Variants in REPS2 observed in about 807,000 individuals in gnomAD.
REPS2 encodes ralBP1-associated Eps domain-containing protein 2.
Under a neutral mutation model 53.6 loss-of-function variants are expected in REPS2, and 23 were observed. The observed-to-expected ratio is 0.43, with a 90% confidence interval of 0.31 to 0.61. The LOEUF (loss-of-function observed/expected upper bound fraction) is 0.61, where lower values mean the gene tolerates loss of function less well. Ranked by LOEUF, REPS2 falls within the 20% of genes least tolerant of loss-of-function variation. The pLI, the probability that REPS2 is intolerant of heterozygous loss-of-function variation, is 0.11. For synonymous variants in REPS2, 238 were observed against 218.6 expected, an observed-to-expected ratio of 1.09 and a Z score of -0.78; for missense variants, 446 against 534.9, an observed-to-expected ratio of 0.83 and a Z score of 1.64.
chrX:16,976,012 A>G (rs1347119184), intron 1 of REPS2, among the ~76,000 whole-genome samples: 1 of 111,962 alleles, frequency 8.9e-6, no homozygotes, highest in Non-Finnish European at 1.9e-5. Flanking sequence ...TGCAACCATC[A>G]CTACCATCCA....
intron 12 of REPS2, 29 bp from the exon 13 acceptor site, chrX:17,077,242 G>A (rs1314150821): frequency 3.5e-6 from 4 of 1,143,068 alleles, no homozygotes; most frequent in Non-Finnish European, 4.6e-6. Flanking sequence ...TTGCTATTTC[G>A]CTTCTGACCT....
At position 17,147,690 on chromosome X, in the gene REPS2, T is replaced by A; in HGVS notation, c.*209T>A. On this transcript the variant is annotated 3_prime_UTR_variant, in exon 18 of 18. Transcript: ENST00000357277. Reference sequence around the variant, plus strand: ...CTTCAACTGATTATCACACTTGAAATGCTAATTATCAGTGGAATTTGTCTC... The same window carrying A: ...CTTCAACTGATTATCACACTTGAAAAGCTAATTATCAGTGGAATTTGTCTC... 3.2e-6 allele frequency: 1 copy of A among 316,863 alleles called. No individual in the cohort carries two copies. The allele number at this position is 316,863 out of a possible 1,213,427, so 26.1% of individuals were successfully genotyped here.
chrX:17,162,320 G>T, the REPS2 span, among the ~76,000 whole-genome samples: 1 of 112,782 alleles, frequency 8.9e-6, no homozygotes, highest in African/African-American at 3.2e-5. Flanking sequence ...TATCATGGCT[G>T]CCTGAGGCAG....
the REPS2 span, among the ~76,000 whole-genome samples, chrX:17,174,134 G>A: frequency 9.0e-6 from 1 of 111,407 alleles, no homozygotes; most frequent in East Asian, 2.8e-4. Context: ...GGCCAGAAGG[G>A]TAGGCAAAAG....
chrX:17,024,462 G>A (rs1889177973), intron 3 of REPS2, among the ~76,000 whole-genome samples: 1 of 100,124 alleles, frequency 1.0e-5, no homozygotes, highest in Non-Finnish European at 2.0e-5. Flanking sequence ...TTTGAATTGA[G>A]ATTCAAATTG....
intron 1 of REPS2, among the ~76,000 whole-genome samples, chrX:16,951,544 CA>C (rs2060508543): frequency 1.2e-4 from 5 of 42,351 alleles, no homozygotes; most frequent in Admixed American, 4.2e-4. Context: ...CACACACACA[CA>C]CACACACACA....
At chrX:17,098,068 A>G (rs2062731459) in intron 13 of REPS2, among the ~76,000 whole-genome samples, 1 of 111,219 alleles carries the variant, frequency 9.0e-6, no homozygotes, top group Non-Finnish European at 1.9e-5. Context: ...ATGAAGCATA[A>G]TAGAGGACCA....
chrX:17,187,091 A>T, the REPS2 span, among the ~76,000 whole-genome samples: 1 of 112,165 alleles, frequency 8.9e-6, no homozygotes, highest in Non-Finnish European at 1.9e-5. Context: ...AATAAAAAAA[A>T]TTAAAACAAT....
chrX:17,140,455 TCAAA>T (rs1163478518), intron 17 of REPS2, among the ~76,000 whole-genome samples: 1 of 110,943 alleles, frequency 9.0e-6, no homozygotes, highest in South Asian at 3.7e-4. Context: ...ATGAAAATTT[TCAAA>T]CATACAGGAA....
intron 1 of REPS2, among the ~76,000 whole-genome samples, chrX:16,968,676 G>T (rs1290573766): frequency 9.6e-6 from 1 of 104,036 alleles, no homozygotes. Flanking sequence ...CCCAGACGGG[G>T]CGGCTGGCCG....
chrX:17,069,240 T>A (rs930019463), intron 10 of REPS2, among the ~76,000 whole-genome samples: 1 of 111,895 alleles, frequency 8.9e-6, no homozygotes, highest in African/African-American at 3.2e-5. Context: ...AGAAAAAGAT[T>A]TGGGACAAGA....
chrX:17,051,337 C>T (rs2062000549), intron 6 of REPS2, among the ~76,000 whole-genome samples: 1 of 111,944 alleles, frequency 8.9e-6, no homozygotes, highest in South Asian at 3.7e-4. Flanking sequence ...GCACATATTT[C>T]TTTGATACAC....
At chrX:17,048,695 C>T (rs2061940359) in intron 6 of REPS2, among the ~76,000 whole-genome samples, 1 of 111,601 alleles carries the variant, frequency 9.0e-6, no homozygotes, top group Non-Finnish European at 1.9e-5. Context: ...ATTCCAGCTC[C>T]ATTAATCACC....
intron 1 of REPS2, among the ~76,000 whole-genome samples, chrX:16,963,356 C>A (rs2147645053): frequency 8.9e-6 from 1 of 112,037 alleles, no homozygotes; most frequent in African/African-American, 3.2e-5. Context: ...GTTAACATAT[C>A]TTCTGGAAAA....
chrX:17,069,801 G>T, intron 10 of REPS2, 139 bp from the exon 11 acceptor site: 1 of 341,379 alleles, frequency 2.9e-6, no homozygotes, highest in Non-Finnish European at 5.1e-6. Context: ...ACTTTTAGAG[G>T]TTTGTGAGAC....
At chrX:17,010,254 G>T (rs1378944170) in intron 2 of REPS2, among the ~76,000 whole-genome samples, 2 of 112,223 alleles carry the variant, frequency 1.8e-5, no homozygotes, top group Admixed American at 1.9e-4. Context: ...CGCCCTACGG[G>T]GTAATACAAG....
intron 1 of REPS2, among the ~76,000 whole-genome samples, chrX:16,956,358 A>G (rs767292446): frequency 4.2e-5 from 4 of 95,935 alleles, no homozygotes; most frequent in Admixed American, 3.6e-4. Flanking sequence ...CTGGAGTGCA[A>G]TCTCACAATT....
intron 14 of REPS2, among the ~76,000 whole-genome samples, chrX:17,105,309 A>G (rs1481367986): frequency 8.9e-6 from 1 of 111,975 alleles, no homozygotes; most frequent in Non-Finnish European, 1.9e-5. Flanking sequence ...ACTTGGTCAC[A>G]ACAAAATGAG....
intron 13 of REPS2, among the ~76,000 whole-genome samples, chrX:17,079,089 A>C (rs954256774): frequency 2.7e-5 from 3 of 112,428 alleles, no homozygotes; most frequent in African/African-American, 9.7e-5. Context: ...GCATATAATA[A>C]AAAAATCTGA....
Sources: allele counts gnomAD v4.1 joint callset (sites outside exome capture counted in the v4.1 genomes callset), GRCh38; gene constraint gnomAD v4.1.1; transcripts MANE v1.5; gene names NCBI Gene and HGNC (gene_info 2026-07-23, HGNC 2026-07-21).